ENOX1: variants seen among roughly 807,000 people sequenced by gnomAD.
ENOX1 encodes the protein ecto-NOX disulfide-thiol exchanger 1.
ENOX1 carries 42 observed loss-of-function variants against 82.5 expected under a neutral mutation model. That is an observed-to-expected ratio of 0.51 (90% CI 0.40 to 0.66). The LOEUF is 0.66. Ranked by LOEUF, ENOX1 falls within the 30% of genes least tolerant of loss-of-function variation. The probability of loss-of-function intolerance (pLI) is 0.00; values close to 1 mark genes in which losing one functional copy is unlikely to be tolerated. For missense variants in ENOX1, 608 were observed against 811.6 expected, an observed-to-expected ratio of 0.75 and a Z score of 3.05; for synonymous variants, 271 against 282.2, an observed-to-expected ratio of 0.96 and a Z score of 0.40.
chr13:43,257,294 T>C (rs915321991), intron 14 of ENOX1, among the ~76,000 whole-genome samples: 1 of 152,108 alleles, frequency 6.6e-6, no homozygotes, highest in Non-Finnish European at 1.5e-5. Context: ...AGAGAAGAAT[T>C]TGAGTGTTCA....
intron 3 of ENOX1, among the ~76,000 whole-genome samples, chr13:43,474,458 T>C (rs2058197870): frequency 6.6e-6 from 1 of 152,228 alleles, no homozygotes; most frequent in Non-Finnish European, 1.5e-5. Flanking sequence ...TCTAAGTTTC[T>C]AACACTTACT....
chr13:43,626,235 T>C (rs936124150), intron 2 of ENOX1, among the ~76,000 whole-genome samples: 19 of 151,916 alleles, frequency 1.3e-4, no homozygotes, highest in Admixed American at 5.9e-4. Context: ...CCCTTTTTTG[T>C]CAGTCTTGCT....
chr13:43,336,229 G>C (rs527374835), intron 9 of ENOX1, among the ~76,000 whole-genome samples: 9 of 152,312 alleles, frequency 5.9e-5, no homozygotes, highest in Admixed American at 5.9e-4. Context: ...ATTTCAGAAA[G>C]AGCTTTTCAG....
At chr13:43,584,491 A>G (rs1294884943) in intron 2 of ENOX1, among the ~76,000 whole-genome samples, 1 of 152,198 alleles carries the variant, frequency 6.6e-6, no homozygotes, top group African/African-American at 2.4e-5. Context: ...GTTTGCTAGG[A>G]ACAGAATATT....
intron 2 of ENOX1, among the ~76,000 whole-genome samples, chr13:43,664,264 C>A (rs1834108131): frequency 6.6e-6 from 1 of 152,088 alleles, no homozygotes. Flanking sequence ...AATCTTATAG[C>A]TGAGTTTTCA....
At chr13:43,513,683 C>A (rs2077455766) in intron 2 of ENOX1, among the ~76,000 whole-genome samples, 1 of 152,056 alleles carries the variant, frequency 6.6e-6, no homozygotes, top group East Asian at 1.9e-4. Context: ...GGCTTTATGA[C>A]CATATCTGCA....
chr13:43,622,533 C>T (rs1393710908), intron 2 of ENOX1, among the ~76,000 whole-genome samples: 1 of 152,152 alleles, frequency 6.6e-6, no homozygotes, highest in Admixed American at 6.5e-5. Context: ...GTCTAGCCAC[C>T]CAGCAAGTCT....
intron 2 of ENOX1, among the ~76,000 whole-genome samples, chr13:43,575,687 G>T (rs2080390749): frequency 6.6e-6 from 1 of 152,226 alleles, no homozygotes; most frequent in Non-Finnish European, 1.5e-5. Context: ...GATGAGGATT[G>T]TTACCAGAAG....
chr13:43,604,343 A>T (rs1486411561), intron 2 of ENOX1, among the ~76,000 whole-genome samples: 1 of 152,008 alleles, frequency 6.6e-6, no homozygotes, highest in African/African-American at 2.4e-5. Flanking sequence ...TTGCCTGTTC[A>T]CTCTGATGGT....
chr13:43,338,684 T>G (rs956246192), intron 9 of ENOX1, among the ~76,000 whole-genome samples: 1 of 133,180 alleles, frequency 7.5e-6, no homozygotes, highest in Non-Finnish European at 1.6e-5. Context: ...GGGTTTTTTT[T>G]TTTTTTTTTT....
intron 2 of ENOX1, among the ~76,000 whole-genome samples, chr13:43,661,448 T>C (rs377387775): frequency 7.2e-5 from 11 of 152,120 alleles, no homozygotes; most frequent in African/African-American, 1.4e-4. Flanking sequence ...ACCCAAGTAG[T>C]AGGGAATGAA....
At chr13:43,700,027 C>G (rs1193731686) in intron 1 of ENOX1, among the ~76,000 whole-genome samples, 1 of 152,070 alleles carries the variant, frequency 6.6e-6, no homozygotes, top group Non-Finnish European at 1.5e-5. Flanking sequence ...ACTACAAAAC[C>G]CTTGATATTA....
intron 2 of ENOX1, among the ~76,000 whole-genome samples, chr13:43,577,352 A>G (rs1854478): frequency 0.98 from 149,586 of 152,136 alleles, 73,586 homozygotes; most frequent in East Asian, 1. Flanking sequence ...GGCTGATCTC[A>G]AACTCCTGAC....
In ENOX1 at chr13:43,269,521, T is replaced by C; in HGVS notation, c.1503A>G (p.Ala501=). The change falls in exon 13 of 17, where the codon GCA becomes GCG. Residue 501 remains alanine (A), a synonymous_variant. Coordinates refer to ENST00000690772, the MANE Select transcript of ENOX1 (RefSeq NM_001347969.2). ...LNNKKSELEQ[A]KEEQSHTQAL... is the part of the protein sequence containing the mutation. ...CTTGTGTATGGGACTGCTCTTCCTTTGCTTGTTCCAATTCTGACTTTTTGT... is the reference window on the plus strand; with the variant it reads ...CTTGTGTATGGGACTGCTCTTCCTTCGCTTGTTCCAATTCTGACTTTTTGT... The C allele has an allele frequency of 6.2e-7, 1 of 1,614,048 alleles. No individual in the cohort carries two copies. The highest frequency in any genetic ancestry group is 8.5e-7 in the Non-Finnish European group (1 of 1,179,902).
At chr13:43,233,064 C>G (rs1162129969) in intron 15 of ENOX1, among the ~76,000 whole-genome samples, 1 of 152,178 alleles carries the variant, frequency 6.6e-6, no homozygotes, top group African/African-American at 2.4e-5. Flanking sequence ...TCAGTGTATG[C>G]CAATCCAACA....
intron 1 of ENOX1, among the ~76,000 whole-genome samples, chr13:43,704,487 G>A (rs1594481354): frequency 6.6e-6 from 1 of 152,092 alleles, no homozygotes; most frequent in South Asian, 2.1e-4. Context: ...AACACACTGG[G>A]TAAGATCTAC....
At chr13:43,463,320 C>A (rs867707733) in intron 3 of ENOX1, among the ~76,000 whole-genome samples, 4 of 152,162 alleles carry the variant, frequency 2.6e-5, no homozygotes, top group Non-Finnish European at 5.9e-5. Context: ...CACTACCGCC[C>A]CCAAGTCTGA....
At position 43,568,120 on chromosome 13, in the gene ENOX1, T is replaced by C. The variant is rs982886447; in HGVS notation, c.-218-83968A>G. Among the ~76,000 whole-genome samples the C allele has an allele frequency of 3.9e-5, 6 of 152,342 alleles. No individual in the cohort carries two copies. The South Asian group carries it at 1.0e-3, about 26-fold the overall frequency. On this transcript the variant is annotated intron_variant, in intron 2 of 16. Coordinates refer to ENST00000690772, the MANE Select transcript of ENOX1 (RefSeq NM_001347969.2). ...AACCTTTGTGATAGAGTAATACTTT[T>C]TTCAATTCTTTGACAAGTGGCACTA...
intron 1 of ENOX1, among the ~76,000 whole-genome samples, chr13:43,735,394 C>A (rs1185916989): frequency 1.3e-5 from 2 of 152,134 alleles, no homozygotes; most frequent in Non-Finnish European, 2.9e-5. Context: ...ATTAATACGA[C>A]TACTTGTGGA....
Sources: gnomAD v4.1 joint callset for allele counts (sites outside exome capture counted in the v4.1 genomes callset) on GRCh38, gnomAD v4.1.1 for gene constraint, MANE v1.5 for transcripts, NCBI Gene and HGNC (gene_info 2026-07-23, HGNC 2026-07-21) for gene names.